The following ZNF160 variants were observed in gnomAD, a reference collection of about 807,000 sequenced individuals.
ZNF160 encodes KRAB zinc finger protein KR18.
In ZNF160, 9 loss-of-function variants were observed where a neutral mutation model predicts 13.1. That is an observed-to-expected ratio of 0.69 (90% CI 0.41 to 1.20). ZNF160 has a LOEUF of 1.20. Ranked by LOEUF, ZNF160 falls within the 50% of genes most tolerant of loss-of-function variation. The pLI is 0.01. For missense variants in ZNF160, 838 were observed against 988.0 expected (o/e 0.85, Z 2.04); for synonymous variants, 293 against 333.2 (o/e 0.88, Z 1.31).
chr19:53,075,253 G>A (rs2084343361), intron 3 of ZNF160, 70 bp from the exon 4 acceptor site: 4 of 1,577,252 alleles, frequency 2.5e-6, no homozygotes, highest in Non-Finnish European at 3.4e-6. Flanking sequence ...AAGGAGAAGA[G>A]GAGAAAAATG....
In ZNF160 at chr19:53,068,930, T is replaced by C. The variant is rs201744012; in HGVS notation, c.1604A>G (p.Lys535Arg). 2.7e-5 allele frequency: 43 copies of C among 1,613,884 alleles called. No homozygotes were observed. Among genetic ancestry groups the C allele is most frequent in the Non-Finnish European group, 3.5e-5 (41 of 1,179,996 alleles). The change falls in exon 6 of 6, where the codon AAA becomes AGA. Residue 535 changes from lysine to arginine, a missense_variant. Lys to Arg is a conservative substitution (Grantham distance 26). This residue lies in a region of ZNF160 where 400 missense variants were observed against 538.9 expected (regional missense o/e 0.74). Coordinates refer to ENST00000683776, the MANE Select transcript of ZNF160 (RefSeq NM_001322131.2). ...TTHQAIHSGE[K>R]PYKCIECGKS... ...GCCACATTCAATACATTTGTAAGGT[T>C]TCTCTCCAGAATGGATTGCCTGATG...
chr19:53,068,967 T>C lies in ZNF160; in HGVS notation c.1567A>G (p.Ser523Gly). ...ECGKAFSVRS[S>G]LTTHQAIHSG... ...TGGATTGCCTGATGGGTAGTCAGAC[T>C]TGAACGAACACTGAAGGCTTTCCCA... is the stretch of plus-strand genomic sequence containing the variant. The change falls in exon 6 of 6, where the codon AGT becomes GGT. Residue 523 changes from serine (S) to glycine (G), a missense_variant. Ser to Gly is a moderately conservative substitution (Grantham distance 56, BLOSUM62 0). Transcript: ENST00000683776. 1 of 1,613,926 alleles carries C rather than the reference T, an allele frequency of 6.2e-7. No individual in the cohort carries two copies. Among genetic ancestry groups the C allele is most frequent in the Non-Finnish European group, 8.5e-7 (1 of 1,179,972 alleles).
At position 53,078,498 on chromosome 19, in the gene ZNF160, C is replaced by T. The variant is rs191082835; in HGVS notation, c.16-3315G>A. ...ATGTGTGCCTGTAATCCCAGCTACT[C>T]AGGAGGCTGAGGCAGAAGAATCAGC... On this transcript the variant is annotated intron_variant, in intron 3 of 5. Transcript: ENST00000683776. 1.4e-3 allele frequency among the ~76,000 whole-genome samples: 208 copies of T among 152,052 alleles called. 1 individual carries two copies. The highest frequency in any genetic ancestry group is 4.9e-3 in the African/African-American group (203 of 41,484).
chr19:53,082,786 T>G (rs1361235542), intron 3 of ZNF160, among the ~76,000 whole-genome samples: 1 of 152,184 alleles, frequency 6.6e-6, no homozygotes, highest in East Asian at 1.9e-4. Context: ...CAGTTCAGTT[T>G]CAATACCATC....
At chr19:53,101,526 G>T (rs2085447303) in intron 1 of ZNF160, among the ~76,000 whole-genome samples, 1 of 151,992 alleles carries the variant, frequency 6.6e-6, no homozygotes, top group Non-Finnish European at 1.5e-5. Context: ...AATGACATGA[G>T]CCAATACAGG....
Position 53,099,895 on chromosome 19 carries a change from C to T in ZNF160, c.-354+3370G>A, listed in dbSNP as rs114351730. 5.9e-3 allele frequency among the ~76,000 whole-genome samples: 899 copies of T among 152,292 alleles called. 6 individuals are homozygous for T. Among genetic ancestry groups the T allele is most frequent in the African/African-American group, 0.019 (799 of 41,564 alleles). ...TTAGAAGATGTATCTGACTCTATGA[C>T]GGCCTCGAAGGGCTAATGGGCAACA... On this transcript the variant is annotated intron_variant, in intron 1 of 5. Transcript: ENST00000683776.
chr19:53,080,889 T>C (rs2084606039), intron 3 of ZNF160, among the ~76,000 whole-genome samples: 1 of 152,042 alleles, frequency 6.6e-6, no homozygotes, highest in Non-Finnish European at 1.5e-5. Context: ...ACCAATGGAA[T>C]AGAACAGAGA....
chr19:53,098,741 A>C (rs2085330167), intron 1 of ZNF160, among the ~76,000 whole-genome samples: 2 of 151,178 alleles, frequency 1.3e-5, no homozygotes, highest in African/African-American at 4.9e-5. Context: ...CGAGCGCATC[A>C]CCTGCTGGAA....
rs537213812 is a variant in ZNF160 at position 53,067,640 on chromosome 19, A to G, written c.*437T>C. 5.8e-4 allele frequency: 91 copies of G among 155,738 alleles called. No homozygotes were observed. The highest frequency in any genetic ancestry group is 1.0e-3 in the Non-Finnish European group (73 of 70,568). 9.6% of individuals were successfully genotyped at this position (155,738 alleles called of 1,614,324 possible). A position where few individuals can be genotyped will look rare whatever the true frequency, so the allele number is the denominator to read the frequency against. On this transcript the variant is annotated 3_prime_UTR_variant, in exon 6 of 6. Transcript: ENST00000683776. ...AAATAACTCAGTGAAACATTTCATA[A>G]GGTGAAGGTAACTGACTGCCTACAA...
intron 1 of ZNF160, among the ~76,000 whole-genome samples, chr19:53,093,936 T>C (rs775250621): frequency 9.2e-5 from 14 of 152,178 alleles, no homozygotes; most frequent in Non-Finnish European, 1.9e-4. Context: ...CAAAGCCATA[T>C]ACATTTAAAA....
intron 5 of ZNF160, among the ~76,000 whole-genome samples, chr19:53,071,685 G>A (rs1212655190): frequency 1.3e-5 from 2 of 151,410 alleles, no homozygotes; most frequent in East Asian, 3.9e-4. Flanking sequence ...AAAAAAAATC[G>A]GGCAGCCTAG....
chr19:53,094,760 A>T (rs1033548387), intron 1 of ZNF160, among the ~76,000 whole-genome samples: 2 of 152,202 alleles, frequency 1.3e-5, no homozygotes, highest in Non-Finnish European at 2.9e-5. Flanking sequence ...TATTAACTGA[A>T]AATAAGCAGG....
At chr19:53,086,439 C>T (rs1392509488) in intron 2 of ZNF160, 118 bp from the exon 3 acceptor site, 1 of 804,658 alleles carries the variant, frequency 1.2e-6, no homozygotes, top group Admixed American at 3.2e-5. Context: ...AGATCTCACC[C>T]TGTGGAAAGA....
intron 1 of ZNF160, among the ~76,000 whole-genome samples, chr19:53,094,321 G>A (rs957320691): frequency 1.3e-5 from 2 of 152,130 alleles, no homozygotes; most frequent in African/African-American, 4.8e-5. Context: ...CTGGCAAATA[G>A]AAATGGAAAC....
chr19:53,074,580 G>A (rs888769566), intron 4 of ZNF160, among the ~76,000 whole-genome samples: 7 of 150,090 alleles, frequency 4.7e-5, no homozygotes, highest in African/African-American at 1.7e-4. Context: ...TAAGGCAGGA[G>A]AATGGCATGA....
chr19:53,102,379 C>T (rs1166718990), intron 1 of ZNF160, among the ~76,000 whole-genome samples: 1 of 152,158 alleles, frequency 6.6e-6, no homozygotes, highest in Non-Finnish European at 1.5e-5. Context: ...CCAGCTGTCC[C>T]CTCCAGCTGT....
At chr19:53,078,010 G>T (rs900625681) in intron 3 of ZNF160, among the ~76,000 whole-genome samples, 1 of 152,188 alleles carries the variant, frequency 6.6e-6, no homozygotes. Flanking sequence ...GGGAGGCTAA[G>T]GCGGGCGGAT....
intron 2 of ZNF160, among the ~76,000 whole-genome samples, chr19:53,089,796 A>C (rs2084966803): frequency 2.0e-5 from 3 of 150,366 alleles, no homozygotes; most frequent in South Asian, 2.1e-4. Context: ...TACATATCTC[A>C]TCCTCACCTT....
Position 53,068,809 on chromosome 19 carries a change from A to C in ZNF160, c.1725T>G (p.Ala575=). The change falls in exon 6 of 6, where the codon GCT becomes GCG. Residue 575 remains alanine, a synonymous_variant. Coordinates refer to ENST00000683776, the MANE Select transcript of ZNF160 (RefSeq NM_001322131.2). ...YKCNECGKVF[A]QTSQLARHWR... ...AATGCCTTGCAAGTTGTGATGTTTG[A>C]GCGAAGACTTTACCACATTCATTAC... The C allele has an allele frequency of 1.2e-6, 2 of 1,612,770 alleles. No homozygotes were observed. The highest frequency in any genetic ancestry group is 4.5e-5 in the East Asian group (2 of 44,824).
Sources: gnomAD v4.1 joint callset for allele counts (sites outside exome capture counted in the v4.1 genomes callset) on GRCh38, gnomAD v4.1.1 for gene constraint, gnomAD v4.1.1 regional missense constraint, MANE v1.5 for transcripts, NCBI Gene and HGNC (gene_info 2026-07-23, HGNC 2026-07-21) for gene names.